The following GRM4 variants were observed in gnomAD, a reference collection of about 807,000 sequenced individuals.
GRM4 encodes the protein glutamate metabotropic receptor 4.
GRM4 carries 28 observed loss-of-function variants against 81.7 expected under a neutral mutation model. That is an observed-to-expected ratio of 0.34 (90% CI 0.25 to 0.47). The LOEUF is 0.47. Ranked by LOEUF, GRM4 falls within the 20% of genes least tolerant of loss-of-function variation. The pLI is 1.00. For missense variants in GRM4, 948 were observed against 1,290.0 expected (o/e 0.73, Z 4.06); for synonymous variants, 488 against 528.8 (o/e 0.92, Z 1.06).
intron 3 of GRM4, among the ~76,000 whole-genome samples, chr6:34,066,307 GAAGA>G (rs1766465098): frequency 6.6e-6 from 1 of 152,168 alleles, no homozygotes; most frequent in Non-Finnish European, 1.5e-5. Context: ...TTTTACAACA[GAAGA>G]ATGAATAAAC....
At position 34,111,993 on chromosome 6, in the gene GRM4, C is replaced by T. The variant is rs1733575971; in HGVS notation, c.520-19894G>A. ...TCTGAAATGGGGAGGTCTCCTCACT[C>T]ACCCCAAGTTGCACCTAAATAAACG... On this transcript the variant is annotated intron_variant, in intron 2 of 10. Transcript: ENST00000538487. This position sits in a 1 kb window ranked among gnomAD's most constrained non-coding sequence, Gnocchi z 5.1. Among the ~76,000 whole-genome samples, 3 of 152,126 alleles carry T rather than the reference C, an allele frequency of 2.0e-5. No individual in the cohort carries two copies. The highest frequency in any genetic ancestry group is 2.0e-4 in the Admixed American group (3 of 15,274).
At chr6:34,086,937 C>T (rs1395786643) in intron 3 of GRM4, among the ~76,000 whole-genome samples, 3 of 152,132 alleles carry the variant, frequency 2.0e-5, no homozygotes, top group Non-Finnish European at 4.4e-5. Flanking sequence ...GCCCGGGCAA[C>T]ATGGTGAGAC....
At chr6:34,027,936 C>T (rs1462940446) in intron 10 of GRM4, among the ~76,000 whole-genome samples, 184 bp downstream of exon 10, 3 of 152,208 alleles carry the variant, frequency 2.0e-5, no homozygotes, top group Non-Finnish European at 4.4e-5. Flanking sequence ...TGTGGTGCCT[C>T]AGGGCTCTCC....
At chr6:34,057,422 G>A (rs994485481) in intron 5 of GRM4, among the ~76,000 whole-genome samples, 6 of 152,230 alleles carry the variant, frequency 3.9e-5, no homozygotes, top group Non-Finnish European at 5.9e-5. Context: ...GACCGGCCAC[G>A]TGGCAGGAGA....
chr6:34,061,834 G>A (rs1219193355), intron 4 of GRM4, 59 bp downstream of exon 4: 16 of 1,556,880 alleles, frequency 1.0e-5, no homozygotes, highest in African/African-American at 1.3e-5. Flanking sequence ...GACAGGACCC[G>A]TGGCTTTGCC....
chr6:34,147,635 G>C (rs779897223), upstream of GRM4, among the ~76,000 whole-genome samples: 6 of 152,216 alleles, frequency 3.9e-5, no homozygotes, highest in Non-Finnish European at 7.3e-5. Context: ...AGTTGAGGGG[G>C]CTCAGGACAG....
chr6:34,142,991 T>C (rs1337158479), intron 1 of GRM4, among the ~76,000 whole-genome samples: 1 of 152,122 alleles, frequency 6.6e-6, no homozygotes, highest in Non-Finnish European at 1.5e-5. Flanking sequence ...TGCCTAAGAA[T>C]CCATGAGTAG....
At chr6:34,107,592 G>A (rs766480760) in intron 2 of GRM4, among the ~76,000 whole-genome samples, 6 of 152,168 alleles carry the variant, frequency 3.9e-5, no homozygotes, top group Non-Finnish European at 8.8e-5. Flanking sequence ...GCAGCATTAC[G>A]CTGACACCTG....
chr6:34,107,777 A>G (rs1075482), intron 2 of GRM4, among the ~76,000 whole-genome samples: 92,445 of 152,050 alleles, frequency 0.61, 28,309 homozygotes, highest in Admixed American at 0.66. Flanking sequence ...CTGGATACCC[A>G]CGGGAGGCCA....
rs1214607599 is a variant in GRM4 at position 34,136,492 on chromosome 6, C to T, written c.-363-2633G>A. 6.6e-6 allele frequency among the ~76,000 whole-genome samples: 1 copy of T among 151,834 alleles called. No homozygotes were observed. Among genetic ancestry groups the T allele is most frequent in the Non-Finnish European group, 1.5e-5 (1 of 67,986 alleles). On this transcript the variant is annotated intron_variant, in intron 1 of 10. Coordinates refer to ENST00000538487, the MANE Select transcript of GRM4 (RefSeq NM_000841.4). The surrounding 1 kb of genome is among the most constrained non-coding windows in gnomAD (Gnocchi z 4.1). ...GCCCTGCTTAGGCTTCCAGATCCTT[C>T]GTGAGGGCTCACACTGGCTTCTCCT... is the stretch of plus-strand genomic sequence containing the variant.
At chr6:34,096,853 G>A (rs1768545302) in intron 2 of GRM4, among the ~76,000 whole-genome samples, 1 of 152,218 alleles carries the variant, frequency 6.6e-6, no homozygotes, top group African/African-American at 2.4e-5. Context: ...ATGCCACATG[G>A]GGAAAGACAA....
In GRM4 at chr6:34,020,803, G is replaced by C. The variant is rs1034188017; in HGVS notation, c.*2018C>G. ...TGTGAGATGCCCAGGCCAGGAGTAA[G>C]AGTGGGCTGATGGAGAAGACATACC... is the stretch of plus-strand genomic sequence containing the variant. On this transcript the variant is annotated 3_prime_UTR_variant, in exon 11 of 11. Coordinates refer to ENST00000538487, the MANE Select transcript of GRM4 (RefSeq NM_000841.4). The C allele has an allele frequency of 3.9e-5, 6 of 152,326 alleles. No homozygotes were observed. The highest frequency in any genetic ancestry group is 1.4e-4 in the African/African-American group (6 of 41,444). The allele number at this position is 152,326 out of a possible 1,614,324, so 9.4% of individuals were successfully genotyped here.
Position 34,133,459 on chromosome 6 carries a change from C to G in GRM4, c.38G>C (p.Arg13Pro). ...GKRGLGWWWA[R>P]LPLCLLLSLY... is the part of the protein sequence containing the mutation. The stretch of plus-strand genomic sequence containing the variant: ...GCTGAGGAGCAGGCAAAGGGGCAGC[C>G]GGGCCCACCACCAGCCCAAGCCTCT... The change falls in exon 2 of 11, where the codon CGG becomes CCG. Residue 13 changes from arginine to proline, a missense_variant. Coordinates refer to ENST00000538487, the MANE Select transcript of GRM4 (RefSeq NM_000841.4). The surrounding 1 kb of genome is among the most constrained non-coding windows in gnomAD (Gnocchi z 6.5). 1.3e-6 allele frequency: 2 copies of G among 1,596,170 alleles called. No homozygotes were observed. The highest frequency in any genetic ancestry group is 8.5e-7 in the Non-Finnish European group (1 of 1,171,498).
intron 2 of GRM4, among the ~76,000 whole-genome samples, chr6:34,095,010 T>A (rs1306371789): frequency 6.6e-6 from 1 of 152,196 alleles, no homozygotes; most frequent in African/African-American, 2.4e-5. Flanking sequence ...CTTCAGACCC[T>A]GGCCCAAATC....
At chr6:34,058,206 T>TA (rs1766002613) in intron 5 of GRM4, among the ~76,000 whole-genome samples, 1 of 152,092 alleles carries the variant, frequency 6.6e-6, no homozygotes, top group South Asian at 2.1e-4. Context: ...GATGACATGG[T>TA]AGCCATGGGC....
At chr6:34,040,880 A>T (rs1453896269) in intron 6 of GRM4, 132 bp from the exon 7 acceptor site, 3 of 709,596 alleles carry the variant, frequency 4.2e-6, no homozygotes, top group Non-Finnish European at 7.3e-6. Context: ...AGGCCTCCTG[A>T]CTCCCAGCCC....
At chr6:34,027,972 C>T in intron 10 of GRM4, 148 bp downstream of exon 10, 1 of 855,432 alleles carries the variant, frequency 1.2e-6, no homozygotes, top group Non-Finnish European at 1.8e-6. Context: ...CCACCTGTAG[C>T]CTCAGGGTTC....
rs1767513086 is a variant in GRM4 at position 34,080,150 on chromosome 6, C to A, written c.736+11733G>T. On this transcript the variant is annotated intron_variant, in intron 3 of 10. Transcript: ENST00000538487. The surrounding 1 kb of genome is among the most constrained non-coding windows in gnomAD (Gnocchi z 5.4). ...TGCCAGTTCCCCTGCCTGGGGCCCT[C>A]TTCCCACAGATCTCCACCTGGCTAA... 6.6e-6 allele frequency among the ~76,000 whole-genome samples: 1 copy of A among 152,132 alleles called. No homozygotes were observed. Among genetic ancestry groups the A allele is most frequent in the South Asian group, 2.1e-4 (1 of 4,826 alleles).
At chr6:34,030,548 GT>G (rs1371584941) in intron 9 of GRM4, among the ~76,000 whole-genome samples, 4 of 152,276 alleles carry the variant, frequency 2.6e-5, no homozygotes, top group African/African-American at 4.8e-5. Context: ...ATGCTAACAA[GT>G]TTCCACCCCT....
Sources: gnomAD v4.1 joint callset for allele counts (sites outside exome capture counted in the v4.1 genomes callset) on GRCh38, gnomAD v4.1.1 for gene constraint, Gnocchi (gnomAD v3.1) non-coding constraint, MANE v1.5 for transcripts, NCBI Gene and HGNC (gene_info 2026-07-23, HGNC 2026-07-21) for gene names.